Variants in CSNK1G3 observed in about 807,000 individuals in gnomAD.
CSNK1G3 encodes casein kinase 1 gamma 3, also known as casein kinase I isoform gamma-3.
In CSNK1G3, 23 loss-of-function variants were observed where a neutral mutation model predicts 64.3. That is an observed-to-expected ratio of 0.36 (90% CI 0.26 to 0.51). The LOEUF is 0.51. Ranked by LOEUF, CSNK1G3 falls within the 20% of genes least tolerant of loss-of-function variation. The pLI is 0.96. For missense variants in CSNK1G3, 357 were observed against 510.5 expected (o/e 0.70, Z 2.90); for synonymous variants, 158 against 162.2 (o/e 0.97, Z 0.20).
Position 123,573,289 on chromosome 5 carries a change from G to A in CSNK1G3, c.290-104G>A. 2.5e-6 allele frequency: 3 copies of A among 1,213,806 alleles called. No individual in the cohort carries two copies. The East Asian group carries it at 7.2e-5, about 29-fold the overall frequency. The allele number at this position is 1,213,806 out of a possible 1,614,324, so 75.2% of individuals were successfully genotyped here. On this transcript the variant is annotated intron_variant, in intron 4 of 12. Coordinates refer to ENST00000345990, the Ensembl canonical transcript of CSNK1G3. ...TGTATCTGGAAAAAGTGATAGTACT[G>A]CTTTAGTTCTTGAAACTATAAAATT... is the stretch of plus-strand genomic sequence containing the variant.
chr5:123,603,056 C>T (rs1794759955), intron 10 of CSNK1G3, among the ~76,000 whole-genome samples: 1 of 152,072 alleles, frequency 6.6e-6, no homozygotes, highest in African/African-American at 2.4e-5. Context: ...CTAGACCCAT[C>T]TTACTCCAGA....
intron 12 of CSNK1G3, among the ~76,000 whole-genome samples, chr5:123,609,773 G>A (rs1795998548): frequency 6.6e-6 from 1 of 152,176 alleles, no homozygotes; most frequent in Admixed American, 6.5e-5. Flanking sequence ...TAGGCCACCT[G>A]GGAAGGAAGC....
At chr5:123,555,553 T>TG (rs1784469865) in intron 3 of CSNK1G3, among the ~76,000 whole-genome samples, 1 of 152,196 alleles carries the variant, frequency 6.6e-6, no homozygotes, top group Admixed American at 6.5e-5. Flanking sequence ...TTCACTCCAT[T>TG]ATCTCTTACA....
At chr5:123,596,674 C>G (rs567522163) in intron 10 of CSNK1G3, among the ~76,000 whole-genome samples, 1 of 152,162 alleles carries the variant, frequency 6.6e-6, no homozygotes, top group East Asian at 1.9e-4. Flanking sequence ...GAACATTGCT[C>G]GTTTCTCATT....
intron 10 of CSNK1G3, among the ~76,000 whole-genome samples, chr5:123,599,814 A>G (rs908254847): frequency 2.6e-5 from 4 of 151,998 alleles, no homozygotes; most frequent in African/African-American, 9.7e-5. Flanking sequence ...AGTTTAGGAA[A>G]TTCCTTATCT....
chr5:123,567,571 A>G (rs1218852487), intron 4 of CSNK1G3, among the ~76,000 whole-genome samples: 1 of 152,214 alleles, frequency 6.6e-6, no homozygotes, highest in Non-Finnish European at 1.5e-5. Flanking sequence ...GCACAACTGT[A>G]TTCCAGCCTG....
At chr5:123,605,153 AG>A (rs1266916070) in intron 11 of CSNK1G3, among the ~76,000 whole-genome samples, 185 bp from the exon 13 acceptor site, 1 of 151,900 alleles carries the variant, frequency 6.6e-6, no homozygotes, top group Admixed American at 6.6e-5. Context: ...TGTAAGCATA[AG>A]AAATTAATTT....
intron 1 of CSNK1G3, among the ~76,000 whole-genome samples, chr5:123,519,516 AT>A (rs1025673793): frequency 2.6e-5 from 4 of 151,802 alleles, no homozygotes; most frequent in African/African-American, 7.3e-5. Context: ...ACTTGTTTAA[AT>A]TTTTTTTTCT....
At chr5:123,512,302 C>T (rs1185189848) in exon 1 of CSNK1G3, 1 of 153,034 alleles carries the variant, frequency 6.5e-6, no homozygotes, top group African/African-American at 2.4e-5. Flanking sequence ...AGCAGAGGCT[C>T]GGGCGGCGAC....
At chr5:123,543,692 T>C (rs897710009) in intron 1 of CSNK1G3, among the ~76,000 whole-genome samples, 9 of 152,036 alleles carry the variant, frequency 5.9e-5, no homozygotes, top group Admixed American at 3.9e-4. Context: ...ACCTTTTGTG[T>C]TTTTTCTAAG....
intron 1 of CSNK1G3, among the ~76,000 whole-genome samples, chr5:123,537,061 C>G (rs1780959351): frequency 6.6e-6 from 1 of 152,110 alleles, no homozygotes; most frequent in Admixed American, 6.6e-5. Context: ...AGAACTACCA[C>G]TGGATCCAGC....
In CSNK1G3 at chr5:123,588,398, A is replaced by G. The variant is rs985568893; in HGVS notation, c.760-29A>G. 32 of 1,539,134 alleles carry G rather than the reference A, an allele frequency of 2.1e-5. No individual in the cohort carries two copies. In the Admixed American group the frequency reaches 4.0e-4, roughly 19 times the overall value. Reference sequence around the variant, plus strand: ...AGCTAAATAATTTTTAAATTACCACATTCTCAAGATTTTTTTTTTCTGTTT... The same window carrying G: ...AGCTAAATAATTTTTAAATTACCACGTTCTCAAGATTTTTTTTTTCTGTTT... On this transcript the variant is annotated intron_variant, in intron 7 of 12. Coordinates refer to ENST00000345990, the Ensembl canonical transcript of CSNK1G3.
chr5:123,551,390 A>G (rs1783610967), intron 2 of CSNK1G3, among the ~76,000 whole-genome samples: 1 of 152,176 alleles, frequency 6.6e-6, no homozygotes, highest in Non-Finnish European at 1.5e-5. Flanking sequence ...AAAAATATGT[A>G]TATAGGTTCA....
intron 6 of CSNK1G3, among the ~76,000 whole-genome samples, chr5:123,578,741 A>G (rs1451133645): frequency 4.6e-5 from 7 of 151,872 alleles, no homozygotes; most frequent in Middle Eastern, 3.2e-3. Context: ...TAGAAGCTTT[A>G]TAGTTTTAGC....
chr5:123,564,807 G>A (rs932700715), intron 4 of CSNK1G3, among the ~76,000 whole-genome samples: 1 of 152,136 alleles, frequency 6.6e-6, no homozygotes, highest in Non-Finnish European at 1.5e-5. Context: ...TGCAGATATT[G>A]TGGTCTTTTA....
intron 2 of CSNK1G3, among the ~76,000 whole-genome samples, chr5:123,549,110 TGA>T (rs1010701979): frequency 1.1e-4 from 16 of 152,222 alleles, no homozygotes; most frequent in Non-Finnish European, 1.6e-4. Flanking sequence ...TATCTCAAAT[TGA>T]ACCATCATAG....
At chr5:123,524,646 C>G (rs1226348912) in intron 1 of CSNK1G3, among the ~76,000 whole-genome samples, 2 of 152,142 alleles carry the variant, frequency 1.3e-5, no homozygotes, top group Non-Finnish European at 2.9e-5. Context: ...CCTCCTCCCC[C>G]ACTGTAAGAT....
At chr5:123,594,669 T>C (rs555199651) in intron 10 of CSNK1G3, among the ~76,000 whole-genome samples, 23 of 152,300 alleles carry the variant, frequency 1.5e-4, no homozygotes, top group African/African-American at 5.1e-4. Flanking sequence ...TGTAAAAATA[T>C]AGTGGGTGGA....
At chr5:123,575,419 A>G (rs528424026) in intron 5 of CSNK1G3, among the ~76,000 whole-genome samples, 1 of 152,294 alleles carries the variant, frequency 6.6e-6, no homozygotes, top group South Asian at 2.1e-4. Flanking sequence ...TCTTATATCA[A>G]TGTGGCTTTT....
Sources: gnomAD v4.1 joint callset for allele counts (sites outside exome capture counted in the v4.1 genomes callset) on GRCh38, gnomAD v4.1.1 for gene constraint, MANE v1.5 for transcripts, NCBI Gene and HGNC (gene_info 2026-07-23, HGNC 2026-07-21) for gene names.